Variants in PPP2R2B observed in about 807,000 individuals in gnomAD.
PPP2R2B encodes serine/threonine-protein phosphatase 2A 55 kDa regulatory subunit B beta isoform.
PPP2R2B carries 5 observed loss-of-function variants against 46.0 expected under a neutral mutation model. The ratio of observed to expected loss-of-function variants is 0.11; its 90% CI spans 0.06 to 0.23. The LOEUF is 0.23. PPP2R2B is among the 10% of genes least tolerant of loss of function. PPP2R2B has a pLI of 1.00. For missense variants in PPP2R2B, 367 were observed against 575.0 expected, an observed-to-expected ratio of 0.64 and a Z score of 3.70; for synonymous variants, 215 against 206.7, an observed-to-expected ratio of 1.04 and a Z score of -0.34.
chr5:146,886,917 G>T (rs1040133286), intron 1 of PPP2R2B, among the ~76,000 whole-genome samples: 2 of 151,538 alleles, frequency 1.3e-5, no homozygotes, highest in Non-Finnish European at 2.9e-5. Context: ...CTTCCCACCA[G>T]GAAGTCAAGA....
intron 7 of PPP2R2B, among the ~76,000 whole-genome samples, chr5:146,620,730 C>A (rs1465049711): frequency 6.6e-6 from 1 of 152,138 alleles, no homozygotes; most frequent in Non-Finnish European, 1.5e-5. Flanking sequence ...TCCTTTCTCA[C>A]GTCTCTCCCC....
At chr5:146,935,550 C>T (rs939534268) in intron 1 of PPP2R2B, among the ~76,000 whole-genome samples, 1 of 152,098 alleles carries the variant, frequency 6.6e-6, no homozygotes, top group African/African-American at 2.4e-5. Context: ...GCTCTGGGAG[C>T]ACTTAGCAAG....
chr5:146,974,808 C>A (rs1334979802), intron 1 of PPP2R2B, among the ~76,000 whole-genome samples: 1 of 151,402 alleles, frequency 6.6e-6, no homozygotes, highest in Non-Finnish European at 1.5e-5. Context: ...CCTGCCTCAA[C>A]TTCCTGAGTA....
At position 146,837,505 on chromosome 5, in the gene PPP2R2B, T is replaced by G. The variant is rs1418684725; in HGVS notation, c.70+40497A>C. Among the ~76,000 whole-genome samples the G allele has an allele frequency of 2.0e-5, 3 of 152,220 alleles. No homozygotes were observed. In the East Asian group the frequency reaches 5.8e-4, roughly 29 times the overall value. On this transcript the variant is annotated intron_variant, in intron 2 of 9. Transcript: ENST00000394411. Reference sequence around the variant, plus strand: ...GTGGCTATAAGGTGGCACAGTGAAGTGCTGGGACAGCACTGTTCAATAGAA... The same window carrying G: ...GTGGCTATAAGGTGGCACAGTGAAGGGCTGGGACAGCACTGTTCAATAGAA...
At chr5:146,639,431 TGAA>T (rs1327814368) in intron 6 of PPP2R2B, among the ~76,000 whole-genome samples, 1 of 152,204 alleles carries the variant, frequency 6.6e-6, no homozygotes, top group Non-Finnish European at 1.5e-5. Flanking sequence ...CTTTTATTTA[TGAA>T]GGTGACTCAA....
intron 1 of PPP2R2B, among the ~76,000 whole-genome samples, chr5:147,045,917 A>G (rs981754899): frequency 6.6e-5 from 10 of 151,790 alleles, no homozygotes; most frequent in African/African-American, 2.4e-4. Context: ...GTTAAGTTTG[A>G]CTCATCCTTC....
In PPP2R2B at chr5:146,587,810, C is replaced by T. The variant is rs142115331; in HGVS notation, c.*2137G>A. ...ATGCATATTATTTCTTTGGAGGAGG[C>T]TAAGTCTTGCTTTTAAGAAAAGGTG... is the stretch of plus-strand genomic sequence containing the variant. On this transcript the variant is annotated 3_prime_UTR_variant, in exon 10 of 10. Coordinates refer to ENST00000394411, the MANE Select transcript of PPP2R2B (RefSeq NM_181675.4). 1 of 152,110 alleles carries T rather than the reference C, an allele frequency of 6.6e-6. No homozygotes were observed. The highest frequency in any genetic ancestry group is 1.9e-4 in the East Asian group (1 of 5,194). The allele number at this position is 152,110 out of a possible 1,614,324, so 9.4% of individuals were successfully genotyped here.
chr5:147,076,139 A>G (rs1229145789), intron 2 of PPP2R2B, among the ~76,000 whole-genome samples: 5 of 152,154 alleles, frequency 3.3e-5, no homozygotes, highest in Admixed American at 6.5e-5. Flanking sequence ...CGTTTCCTGG[A>G]TAAATGTAAA....
chr5:146,871,494 T>C (rs319221), intron 2 of PPP2R2B, among the ~76,000 whole-genome samples: 33,197 of 152,130 alleles, frequency 0.22, 4,852 homozygotes, highest in African/African-American at 0.39. Flanking sequence ...TCCATAAACA[T>C]TTTTTTCTGT....
At chr5:146,926,054 T>C (rs562152830) in intron 1 of PPP2R2B, among the ~76,000 whole-genome samples, 3 of 152,192 alleles carry the variant, frequency 2.0e-5, no homozygotes, top group Non-Finnish European at 4.4e-5. Context: ...TTTTCTTTAA[T>C]TCTTTAAACA....
At chr5:146,722,836 T>A (rs1751611030) in intron 2 of PPP2R2B, among the ~76,000 whole-genome samples, 1 of 152,240 alleles carries the variant, frequency 6.6e-6, no homozygotes, top group Non-Finnish European at 1.5e-5. Context: ...TGATAGAATA[T>A]AATTACTAAG....
At chr5:146,832,303 C>T (rs894858606) in intron 2 of PPP2R2B, among the ~76,000 whole-genome samples, 4 of 151,578 alleles carry the variant, frequency 2.6e-5, no homozygotes, top group Non-Finnish European at 4.4e-5. Flanking sequence ...GTCAGTGACT[C>T]ACCCAGAACA....
At chr5:146,877,745 C>G (rs1311044085) in intron 2 of PPP2R2B, among the ~76,000 whole-genome samples, 1 of 152,150 alleles carries the variant, frequency 6.6e-6, no homozygotes, top group Non-Finnish European at 1.5e-5. Flanking sequence ...GAGAGCCCCA[C>G]CCTGAAAAAG....
At chr5:146,846,134 C>A (rs560945927) in intron 2 of PPP2R2B, among the ~76,000 whole-genome samples, 126 of 152,220 alleles carry the variant, frequency 8.3e-4, no homozygotes, top group African/African-American at 2.8e-3. Flanking sequence ...AAACCCAGCA[C>A]TTTGGGAGGC....
At chr5:146,707,382 G>T (rs1347372156) in intron 2 of PPP2R2B, 1 of 793,100 alleles carries the variant, frequency 1.3e-6, no homozygotes, top group Non-Finnish European at 2.3e-6. Flanking sequence ...TCACCTTCAG[G>T]TTAAGGGGGT....
In PPP2R2B at chr5:146,595,985, C is replaced by T. The variant is rs146844909; in HGVS notation, c.961-2923G>A. On this transcript the variant is annotated intron_variant, in intron 8 of 9. Transcript: ENST00000394411. ...AAACAAAGAGCCAACTCTATTGGTC[C>T]GTTCTTATATTTCAAGTGTTGACAA... Among the ~76,000 whole-genome samples the T allele has an allele frequency of 1.8e-3, 279 of 152,186 alleles. 2 individuals are homozygous for T. The highest frequency in any genetic ancestry group is 6.2e-3 in the African/African-American group (258 of 41,522).
At chr5:146,708,407 A>ATGTGTGTGTGTGTG (rs148698250) in intron 2 of PPP2R2B, among the ~76,000 whole-genome samples, 1 of 138,638 alleles carries the variant, frequency 7.2e-6, no homozygotes, top group Non-Finnish European at 1.5e-5. Flanking sequence ...GTGTGTGTGT[A>ATGTGTGTGTGTGTG]TGTGTGTGTG....
chr5:147,046,134 C>T (rs1022783256), intron 1 of PPP2R2B, among the ~76,000 whole-genome samples: 1 of 152,098 alleles, frequency 6.6e-6, no homozygotes, highest in African/African-American at 2.4e-5. Flanking sequence ...CATCACCCAG[C>T]TGATATCTGA....
intron 2 of PPP2R2B, among the ~76,000 whole-genome samples, chr5:146,726,108 G>A (rs775020413): frequency 6.6e-6 from 1 of 152,082 alleles, no homozygotes; most frequent in Non-Finnish European, 1.5e-5. Flanking sequence ...GAGGCACTAA[G>A]GAGTTAAAGG....
Sources: gnomAD v4.1 joint callset for allele counts (sites outside exome capture counted in the v4.1 genomes callset) on GRCh38, gnomAD v4.1.1 for gene constraint, MANE v1.5 for transcripts, NCBI Gene and HGNC (gene_info 2026-07-23, HGNC 2026-07-21) for gene names.